The following AREL1 variants were observed in gnomAD, a reference collection of about 807,000 sequenced individuals.
AREL1 encodes apoptosis-resistant E3 ubiquitin protein ligase 1.
AREL1 carries 62 observed loss-of-function variants against 99.0 expected under a neutral mutation model. The observed-to-expected ratio is 0.63, with a 90% CI of 0.51 to 0.77. The LOEUF is 0.77. Among genes scored for constraint, AREL1 ranks in the 30% least tolerant of loss-of-function variants. AREL1 has a pLI of 0.00. For synonymous variants in AREL1, 380 were observed against 376.5 expected, an observed-to-expected ratio of 1.01 and a Z score of -0.11; for missense variants, 879 against 1,027.6, an observed-to-expected ratio of 0.86 and a Z score of 1.98.
intron 1 of AREL1, among the ~76,000 whole-genome samples, chr14:74,697,131 C>CAG (rs1237389761): frequency 4.0e-5 from 6 of 151,530 alleles, no homozygotes; most frequent in Admixed American, 2.6e-4. Context: ...GCCTGGGTAA[C>CAG]AGAGAGAGAG....
chr14:74,663,716 G>C lies in AREL1; in HGVS notation c.*4C>G. ...TGGGAGCCAACTGGATGACAGGAGA[G>C]TGGTCAGAGCATGCCAAAGCCCTCG... On this transcript the variant is annotated 3_prime_UTR_variant, in exon 20 of 20. Transcript: ENST00000356357. 6.2e-7 allele frequency: 1 copy of C among 1,613,548 alleles called. No individual in the cohort carries two copies. The highest frequency in any genetic ancestry group is 2.2e-5 in the East Asian group (1 of 44,872).
intron 2 of AREL1, among the ~76,000 whole-genome samples, chr14:74,688,271 C>T (rs564169714): frequency 3.3e-5 from 5 of 152,088 alleles, no homozygotes; most frequent in South Asian, 2.1e-4. Context: ...GTGATCCACC[C>T]GCCTCAGCCT....
intron 18 of AREL1, 152 bp downstream of exon 18, chr14:74,664,684 C>A: frequency 2.2e-5 from 9 of 415,678 alleles, no homozygotes; most frequent in East Asian, 5.9e-5. Flanking sequence ...GGTCTCAAAA[C>A]TCCTGACTTT....
At chr14:74,682,612 C>T (rs982838238) in intron 5 of AREL1, among the ~76,000 whole-genome samples, 1 of 152,208 alleles carries the variant, frequency 6.6e-6, no homozygotes, top group African/African-American at 2.4e-5. Flanking sequence ...CCCTCCAAAT[C>T]GCATGTTGAA....
chr14:74,681,449 T>C (rs993977424), intron 5 of AREL1, among the ~76,000 whole-genome samples: 3 of 144,530 alleles, frequency 2.1e-5, no homozygotes, highest in Non-Finnish European at 4.5e-5. Flanking sequence ...AAATGGGGAA[T>C]AGATTCGTGG....
chr14:74,689,341 A>C (rs2089819161), intron 2 of AREL1, among the ~76,000 whole-genome samples: 1 of 152,064 alleles, frequency 6.6e-6, no homozygotes, highest in Non-Finnish European at 1.5e-5. Context: ...TGATCTATCC[A>C]AATTAGATCC....
At chr14:74,700,010 A>G (rs996557923) in intron 1 of AREL1, among the ~76,000 whole-genome samples, 1 of 152,226 alleles carries the variant, frequency 6.6e-6, no homozygotes, top group Non-Finnish European at 1.5e-5. Flanking sequence ...CCAGGCCACA[A>G]TAGCCCAACC....
chr14:74,672,880 G>C lies in AREL1; in HGVS notation c.1373C>G (p.Pro458Arg), dbSNP rs750664861. 1.9e-6 allele frequency: 3 copies of C among 1,614,172 alleles called. No homozygotes were observed. The Admixed American group carries it at 5.0e-5, about 27-fold the overall frequency. ...RELRQVHMKR[P>R]HSKVTLKVSR... ...GACCTTCAGGGTGACTTTGGAATGT[G>C]GTCTTTTCATATGTACCTGCCGAAG... The change falls in exon 11 of 20, where the codon CCA becomes CGA. Residue 458 changes from proline to arginine, a missense_variant. Transcript: ENST00000356357.
At chr14:74,703,706 T>C (rs759429926) in intron 1 of AREL1, among the ~76,000 whole-genome samples, 4 of 152,248 alleles carry the variant, frequency 2.6e-5, no homozygotes, top group Non-Finnish European at 4.4e-5. Flanking sequence ...CTCCATTAAA[T>C]GGACATACTG....
chr14:74,669,726 T>C lies in AREL1; in HGVS notation c.1837A>G (p.Ile613Val). ...PEFYKSKVCFILNNDMSEMEL... is the reference protein window; with the variant it reads ...PEFYKSKVCFVLNNDMSEMEL... ...ATCTCACTCATGTCATTGTTGAGGATAAAACAAACTTTAGATTTGTAGAAT... is the reference window on the plus strand; with the variant it reads ...ATCTCACTCATGTCATTGTTGAGGACAAAACAAACTTTAGATTTGTAGAAT... The change falls in exon 15 of 20, where the codon ATC becomes GTC. Residue 613 changes from isoleucine (I) to valine (V), a missense_variant. By Grantham distance (29) the Ile-to-Val change is conservative. Coordinates refer to ENST00000356357, the MANE Select transcript of AREL1 (RefSeq NM_001039479.2). 1 of 1,614,182 alleles carries C rather than the reference T, an allele frequency of 6.2e-7. No individual in the cohort carries two copies. The highest frequency in any genetic ancestry group is 8.5e-7 in the Non-Finnish European group (1 of 1,180,018).
At position 74,689,825 on chromosome 14, in the gene AREL1, A is replaced by G. The variant is rs111888275; in HGVS notation, c.-46+2216T>C. Among the ~76,000 whole-genome samples, 155 of 150,696 alleles carry G rather than the reference A, an allele frequency of 1.0e-3. 2 individuals carry two copies. Among genetic ancestry groups the G allele is most frequent in the African/African-American group, 3.3e-3 (137 of 41,134 alleles). On this transcript the variant is annotated intron_variant, in intron 2 of 19. Transcript: ENST00000356357. ...TGGTCAGGCTGATCTCAAACTCCCAACCTGAGGTGATCCGCCTGCCTCAGC... is the reference window on the plus strand; with the variant it reads ...TGGTCAGGCTGATCTCAAACTCCCAGCCTGAGGTGATCCGCCTGCCTCAGC...
chr14:74,686,285 A>T (rs2089747218), intron 2 of AREL1, among the ~76,000 whole-genome samples: 1 of 152,206 alleles, frequency 6.6e-6, no homozygotes, highest in Non-Finnish European at 1.5e-5. Context: ...GAGAGGAACA[A>T]AAGGAGACTG....
chr14:74,683,066 G>A (rs1173769664), intron 5 of AREL1, among the ~76,000 whole-genome samples: 1 of 152,180 alleles, frequency 6.6e-6, no homozygotes, highest in Non-Finnish European at 1.5e-5. Context: ...TGGGGGAAAA[G>A]TGACTACTAA....
At chr14:74,673,510 C>T (rs746872766) in intron 9 of AREL1, among the ~76,000 whole-genome samples, 2 of 152,084 alleles carry the variant, frequency 1.3e-5, no homozygotes, top group East Asian at 1.9e-4. Flanking sequence ...AATGGCAATA[C>T]GGTGATATAT....
chr14:74,664,108 C>G (rs557573735), intron 18 of AREL1, 34 bp from the exon 19 acceptor site: 2 of 1,598,248 alleles, frequency 1.3e-6, no homozygotes, highest in Non-Finnish European at 1.7e-6. Flanking sequence ...GGATCACACA[C>G]AGTAAACAAG....
intron 4 of AREL1, 133 bp downstream of exon 4, chr14:74,684,318 ATAG>A (rs1171698598): frequency 1.4e-6 from 1 of 717,156 alleles, no homozygotes; most frequent in African/African-American, 1.8e-5. Flanking sequence ...GACTCTTCAG[ATAG>A]TAGCAATTCA....
In AREL1 at chr14:74,712,933, C is replaced by A. The variant is rs1335517453; in HGVS notation, c.-334G>T. On this transcript the variant is annotated splice_region_variant and 5_prime_UTR_variant, in exon 1 of 20. Coordinates refer to ENST00000356357, the MANE Select transcript of AREL1 (RefSeq NM_001039479.2). ...GCCTAAGGCTGGAGAGAAACGTTAC[C>A]CGAGCCGGGGGTTGCAGCGCGACGA... 1.5e-6 allele frequency: 1 copy of A among 679,116 alleles called. No individual in the cohort carries two copies. The highest frequency in any genetic ancestry group is 2.7e-6 in the Non-Finnish European group (1 of 371,220). 42.1% of individuals were successfully genotyped at this position (679,116 alleles called of 1,614,324 possible).
chr14:74,670,863 A>C lies in AREL1; in HGVS notation c.1507T>G (p.Trp503Gly), dbSNP rs771203415. 9.5e-5 allele frequency: 153 copies of C among 1,613,922 alleles called. No individual in the cohort carries two copies. Among genetic ancestry groups the C allele is most frequent in the Non-Finnish European group, 1.3e-4 (153 of 1,179,928 alleles). The change falls in exon 13 of 20, where the codon TGG becomes GGG. Residue 503 changes from tryptophan to glycine, a missense_variant. Coordinates refer to ENST00000356357, the MANE Select transcript of AREL1 (RefSeq NM_001039479.2). ...AACCATTCCCGGCGAGGCCCTCCCC[A>C]GTCCAGAGCTGAAAAGCATAATGAA... ...VVFQDEEALD[W>G]GGPRREWFEL...
intron 5 of AREL1, among the ~76,000 whole-genome samples, chr14:74,682,205 C>T (rs796624194): frequency 1.6e-4 from 25 of 152,218 alleles, no homozygotes; most frequent in African/African-American, 6.0e-4. Flanking sequence ...GAGCCTTACT[C>T]TGCTATCAGA....
Sources: gnomAD v4.1 joint callset for allele counts (sites outside exome capture counted in the v4.1 genomes callset) on GRCh38, gnomAD v4.1.1 for gene constraint, MANE v1.5 for transcripts, NCBI Gene and HGNC (gene_info 2026-07-23, HGNC 2026-07-21) for gene names.